Variants in MTAP observed in about 807,000 individuals in gnomAD.
The protein encoded by MTAP is S-methyl-5'-thioadenosine phosphorylase.
MTAP carries 33 observed loss-of-function variants against 33.6 expected under a neutral mutation model. The observed-to-expected ratio is 0.98, with a 90% CI of 0.74 to 1.31. MTAP has a LOEUF of 1.31. MTAP is among the 40% of genes most tolerant of loss of function. MTAP has a pLI of 0.00. For missense variants in MTAP, 367 were observed against 360.0 expected, an observed-to-expected ratio of 1.02 and a Z score of -0.16; for synonymous variants, 148 against 125.7, an observed-to-expected ratio of 1.18 and a Z score of -1.19.
At chr9:21,881,086 G>C (rs1818003868) in intron 1 of MTAP, among the ~76,000 whole-genome samples, 1 of 152,060 alleles carries the variant, frequency 6.6e-6, no homozygotes, top group African/African-American at 2.4e-5. Context: ...AAGGAATAGA[G>C]AGCCCTGAAA....
intron 4 of MTAP, among the ~76,000 whole-genome samples, chr9:21,829,546 A>G (rs754985394): frequency 1.1e-4 from 17 of 149,198 alleles, no homozygotes; most frequent in Admixed American, 2.7e-4. Context: ...TTTTCCCTAC[A>G]CTGCCCGTGT....
chr9:21,834,226 A>G (rs1825045604), intron 4 of MTAP, among the ~76,000 whole-genome samples: 2 of 152,160 alleles, frequency 1.3e-5, no homozygotes, highest in Admixed American at 1.3e-4. Context: ...GGTAAGTGGG[A>G]TTACTCCCGT....
intron 1 of MTAP, among the ~76,000 whole-genome samples, chr9:21,895,980 A>G (rs1818285552): frequency 6.6e-6 from 1 of 152,204 alleles, no homozygotes; most frequent in Non-Finnish European, 1.5e-5. Context: ...ACCACACTGC[A>G]CCTATTCCAA....
At chr9:21,921,761 A>G (rs1818791110) in intron 1 of MTAP, among the ~76,000 whole-genome samples, 1 of 152,154 alleles carries the variant, frequency 6.6e-6, no homozygotes, top group South Asian at 2.1e-4. Context: ...GCTTGAGCTC[A>G]GGAGTTTGAG....
At chr9:21,913,705 G>A (rs1023667073) in intron 1 of MTAP, among the ~76,000 whole-genome samples, 2 of 152,142 alleles carry the variant, frequency 1.3e-5, no homozygotes, top group African/African-American at 4.8e-5. Flanking sequence ...TACAATTCAG[G>A]ACATAGGCAT....
chr9:21,825,614 G>T (rs568487773), intron 4 of MTAP, among the ~76,000 whole-genome samples: 1 of 152,200 alleles, frequency 6.6e-6, no homozygotes, highest in African/African-American at 2.4e-5. Context: ...GAAGCAAGAG[G>T]ATTGCTTGAG....
At chr9:21,910,888 T>A (rs1818564955) in intron 1 of MTAP, among the ~76,000 whole-genome samples, 2 of 151,962 alleles carry the variant, frequency 1.3e-5, no homozygotes, top group Admixed American at 1.3e-4. Flanking sequence ...CCTCACCGCC[T>A]CTAAGAAATT....
intron 5 of MTAP, among the ~76,000 whole-genome samples, chr9:21,849,233 C>T (rs550085833): frequency 6.4e-4 from 98 of 152,256 alleles, no homozygotes; most frequent in African/African-American, 2.1e-3. Context: ...ATCTTTCTCC[C>T]GTCCTTCCCC....
intron 4 of MTAP, among the ~76,000 whole-genome samples, chr9:21,827,513 G>A (rs1446667198): frequency 1.3e-5 from 2 of 152,184 alleles, no homozygotes; most frequent in Non-Finnish European, 2.9e-5. Context: ...GCAGTTTCAT[G>A]TGGTTCAACC....
At chr9:21,809,000 TG>T (rs1672479569) in intron 1 of MTAP, 1 of 152,224 alleles carries the variant, frequency 6.6e-6, no homozygotes, top group Admixed American at 6.5e-5. Flanking sequence ...CCTCCAGAAC[TG>T]TGAGAAGATA....
At chr9:21,852,371 C>T (rs1166812438) in intron 5 of MTAP, among the ~76,000 whole-genome samples, 1 of 151,908 alleles carries the variant, frequency 6.6e-6, no homozygotes, top group African/African-American at 2.4e-5. Context: ...ATTAGCTGGC[C>T]GTGGTGGCGG....
chr9:21,907,673 G>GTT (rs58820590), intron 1 of MTAP, among the ~76,000 whole-genome samples: 59 of 148,858 alleles, frequency 4.0e-4, no homozygotes, highest in East Asian at 1.8e-3. Context: ...CTGTGTGGGT[G>GTT]TTTTTTTTTT....
At chr9:21,914,985 C>G (rs1343827388) in intron 1 of MTAP, among the ~76,000 whole-genome samples, 3 of 149,582 alleles carry the variant, frequency 2.0e-5, no homozygotes, top group East Asian at 4.0e-4. Flanking sequence ...TAGCACATAT[C>G]AATACTTTGT....
chr9:21,878,415 T>C (rs547658575), intron 1 of MTAP, among the ~76,000 whole-genome samples: 4 of 152,304 alleles, frequency 2.6e-5, no homozygotes, highest in African/African-American at 9.6e-5. Flanking sequence ...TGGTTTGCTT[T>C]TGTTTTTCTG....
chr9:21,824,553 C>T (rs1824735666), intron 4 of MTAP, among the ~76,000 whole-genome samples: 2 of 152,208 alleles, frequency 1.3e-5, no homozygotes, highest in South Asian at 2.1e-4. Context: ...GGTTCAGGGA[C>T]CCACCTGAGG....
At chr9:21,832,194 G>C (rs1824984427) in intron 4 of MTAP, among the ~76,000 whole-genome samples, 1 of 152,208 alleles carries the variant, frequency 6.6e-6, no homozygotes, top group Non-Finnish European at 1.5e-5. Context: ...TATAAACACA[G>C]TGCTGAGGGA....
intron 1 of MTAP, among the ~76,000 whole-genome samples, chr9:21,887,420 G>A (rs1279528647): frequency 6.6e-5 from 10 of 152,100 alleles, no homozygotes; most frequent in Admixed American, 2.6e-4. Context: ...CTTCATCCAT[G>A]TCCCTACAAA....
At chr9:21,916,420 G>A (rs1818694132) in intron 1 of MTAP, among the ~76,000 whole-genome samples, 1 of 151,978 alleles carries the variant, frequency 6.6e-6, no homozygotes, top group Non-Finnish European at 1.5e-5. Context: ...GACAGGCCTG[G>A]CCAATATGGT....
chr9:21,836,364 G>A (rs899039160), intron 4 of MTAP, among the ~76,000 whole-genome samples: 1 of 152,152 alleles, frequency 6.6e-6, no homozygotes, highest in African/African-American at 2.4e-5. Context: ...TTATTCTTAA[G>A]GTTAAAAAGT....
Sources: gnomAD v4.1 joint callset for allele counts (sites outside exome capture counted in the v4.1 genomes callset) on GRCh38, gnomAD v4.1.1 for gene constraint, MANE v1.5 for transcripts, NCBI Gene and HGNC (gene_info 2026-07-23, HGNC 2026-07-21) for gene names.